Variants in MYH14 observed in about 807,000 individuals in gnomAD.
The protein encoded by MYH14 is myosin-14.
Under a neutral mutation model 255.5 loss-of-function variants are expected in MYH14, and 123 were observed. The ratio of observed to expected loss-of-function variants is 0.48; its 90% CI spans 0.42 to 0.56. The LOEUF is 0.56. Among genes scored for constraint, MYH14 ranks in the 20% least tolerant of loss-of-function variants. The probability of loss-of-function intolerance (pLI) is 0.00; values close to 1 mark genes in which losing one functional copy is unlikely to be tolerated. For missense variants in MYH14, 2,423 were observed against 2,802.3 expected, an observed-to-expected ratio of 0.86 and a Z score of 3.06; for synonymous variants, 1,095 against 1,161.2, an observed-to-expected ratio of 0.94 and a Z score of 1.16.
intron 29 of MYH14, 59 bp from the exon 30 acceptor site, chr19:50,278,024 T>A: frequency 7.3e-7 from 1 of 1,365,206 alleles, no homozygotes; most frequent in Admixed American, 2.5e-5. Flanking sequence ...GATGGGAGTG[T>A]GCCTGGCCTG....
At chr19:50,248,492 G>A (rs2123300182) in intron 12 of MYH14, among the ~76,000 whole-genome samples, 1 of 152,320 alleles carries the variant, frequency 6.6e-6, no homozygotes, top group Non-Finnish European at 1.5e-5. Context: ...CCCCAGGCTG[G>A]GCAGTGAGGT....
intron 4 of MYH14, 21 bp from the exon 5 acceptor site, chr19:50,223,226 T>C (rs374935055): frequency 6.2e-7 from 1 of 1,612,808 alleles, no homozygotes; most frequent in Non-Finnish European, 8.5e-7. Flanking sequence ...ACCCCTTTGC[T>C]TCCCCTTGTC....
chr19:50,307,240 A>G, intron 41 of MYH14, 83 bp downstream of exon 41: 1 of 809,402 alleles, frequency 1.2e-6, no homozygotes. Context: ...AGAGGCAATG[A>G]GCTCCCATCA....
intron 34 of MYH14, among the ~76,000 whole-genome samples, chr19:50,287,638 C>T (rs567634587): frequency 6.6e-6 from 1 of 152,258 alleles, no homozygotes; most frequent in South Asian, 2.1e-4. Context: ...GTCCTGAACT[C>T]CTAGGCTCAA....
chr19:50,248,941 C>T (rs1007087905), intron 12 of MYH14, 46 bp from the exon 13 acceptor site: 33 of 1,607,238 alleles, frequency 2.1e-5, no homozygotes, highest in Non-Finnish European at 2.7e-5. Flanking sequence ...GTCTTTCAGT[C>T]TGCTGATGTG....
At chr19:50,224,244 T>C (rs1308205397) in intron 6 of MYH14, 67 bp downstream of exon 6, 3 of 1,609,978 alleles carry the variant, frequency 1.9e-6, no homozygotes, top group Non-Finnish European at 2.6e-6. Context: ...CAATGCATGA[T>C]CTTCTTGGTA....
At chr19:50,217,918 T>A in intron 3 of MYH14, 147 bp downstream of exon 3, 1 of 906,224 alleles carries the variant, frequency 1.1e-6, no homozygotes, top group Non-Finnish European at 1.6e-6. Context: ...GGAGCACAAG[T>A]AGAGGCCTGA....
rs773992967 is a variant in MYH14, at chr19:50,271,285, GCATGGA to G, written c.3034-120_3034-115del. ...TTGATCCTTCCCGGCCTCACCCAGG[GCATGGA>G]CATCTCTGAACCACAAGCCGCGGGG... On this transcript the variant is annotated intron_variant, in intron 24 of 42. Transcript: ENST00000642316. 212 of 950,488 alleles carry G rather than the reference GCATGGA, an allele frequency of 2.2e-4. 1 individual carries two copies. Among genetic ancestry groups the G allele is most frequent in the Admixed American group, 6.5e-4 (25 of 38,732 alleles). The allele number at this position is 950,488 out of a possible 1,614,324, so 58.9% of individuals were successfully genotyped here.
chr19:50,263,222 G>A lies in MYH14; in HGVS notation c.2586-90G>A, dbSNP rs190315706. 4.6e-6 allele frequency: 4 copies of A among 863,256 alleles called. No individual in the cohort carries two copies. In the East Asian group the frequency reaches 8.6e-5, roughly 19 times the overall value. 53.5% of individuals were successfully genotyped at this position (863,256 alleles called of 1,614,324 possible). A position where few individuals can be genotyped will look rare whatever the true frequency, so the allele number is the denominator to read the frequency against. ...TCAGAAAAACAAACAAACAAACAAA[G>A]AAAATAAATAAGAAAGGAGCTTGGC... On this transcript the variant is annotated intron_variant, in intron 21 of 42. Transcript: ENST00000642316.
chr19:50,230,625 T>G lies in MYH14; in HGVS notation c.973+2T>G. ...GGGGCGCTGGAGAGCAGCTCAAAGG[T>G]CAGTGCCGCCCCGTCCTACCCTGCT... On this transcript the variant is annotated splice_donor_variant, in intron 9 of 42. Transcript: ENST00000642316. LOFTEE classifies it high-confidence loss of function. This position sits in a 1 kb window ranked among gnomAD's most constrained non-coding sequence, Gnocchi z 4.7. 1 of 1,557,948 alleles carries G rather than the reference T, an allele frequency of 6.4e-7. No individual in the cohort carries two copies. The highest frequency in any genetic ancestry group is 8.7e-7 in the Non-Finnish European group (1 of 1,151,218).
intron 20 of MYH14, 87 bp downstream of exon 20, chr19:50,260,802 T>TGTGC: frequency 2.0e-6 from 2 of 982,468 alleles, no homozygotes; most frequent in Non-Finnish European, 3.1e-6. Context: ...CATGCATATG[T>TGTGC]GTGCATGCGT....
chr19:50,203,741 G>C (rs965361396), intron 1 of MYH14, 70 bp downstream of exon 1: 1 of 152,384 alleles, frequency 6.6e-6, no homozygotes, highest in African/African-American at 2.4e-5. Flanking sequence ...GCTGGAGCCT[G>C]GGGGCTGCGA....
intron 3 of MYH14, among the ~76,000 whole-genome samples, chr19:50,220,749 C>T (rs2032778390): frequency 6.6e-6 from 1 of 152,048 alleles, no homozygotes; most frequent in Non-Finnish European, 1.5e-5. Flanking sequence ...GACCAGGTTT[C>T]ACCATGTTGG....
In MYH14 at chr19:50,272,587, G is replaced by A. The variant is rs371750730; in HGVS notation, c.3323G>A (p.Arg1108His). The change falls in exon 27 of 43, where the codon CGC becomes CAC. Residue 1108 changes from arginine to histidine, a missense_variant. Around this residue, in one of 3 missense-constraint regions of MYH14, gnomAD observed 1,513 missense variants for 1,674.8 expected, o/e 0.90. Transcript: ENST00000642316. ...CGCCTACGGAAGGAGGAGAAGGGTC[G>A]CCAGGAGCTGGAGAAGCTGAAGCGG... ...EDRLRKEEKG[R>H]QELEKLKRRL... The A allele has an allele frequency of 6.3e-6, 10 of 1,579,070 alleles. No homozygotes were observed. Among genetic ancestry groups the A allele is most frequent in the South Asian group, 3.5e-5 (3 of 85,920 alleles).
At chr19:50,288,246 T>G (rs1165418795) in intron 34 of MYH14, among the ~76,000 whole-genome samples, 2 of 152,212 alleles carry the variant, frequency 1.3e-5, no homozygotes, top group Admixed American at 6.5e-5. Context: ...ACATCCTTAT[T>G]TCTTTATTTT....
rs371300947 is a variant in MYH14, at chr19:50,249,798, C to T, written c.1631C>T (p.Pro544Leu). ...CTCGACTTTGGCCTCGACCTGCAGC[C>T]CTGCATCGACCTCATCGAGCGGCCG... is the stretch of plus-strand genomic sequence containing the variant. ...TFLDFGLDLQ[P>L]CIDLIERPAN... The change falls in exon 14 of 43, where the codon CCC becomes CTC. Residue 544 changes from proline to leucine, a missense_variant. Pro to Leu is a moderately conservative substitution (Grantham distance 98, BLOSUM62 -3). Around this residue, in one of 3 missense-constraint regions of MYH14, gnomAD observed 672 missense variants for 881.8 expected, o/e 0.76. Coordinates refer to ENST00000642316, the MANE Select transcript of MYH14 (RefSeq NM_001145809.2). 3.1e-6 allele frequency: 5 copies of T among 1,614,104 alleles called. No homozygotes were observed. The highest frequency in any genetic ancestry group is 4.2e-6 in the Non-Finnish European group (5 of 1,180,050).
chr19:50,222,032 G>A (rs1423725022), intron 3 of MYH14, among the ~76,000 whole-genome samples: 1 of 152,100 alleles, frequency 6.6e-6, no homozygotes, highest in Non-Finnish European at 1.5e-5. Flanking sequence ...GTGGGAGGCT[G>A]TCCTGGTCAT....
chr19:50,288,288 T>C (rs2035958528), intron 34 of MYH14, among the ~76,000 whole-genome samples: 1 of 152,192 alleles, frequency 6.6e-6, no homozygotes, highest in Non-Finnish European at 1.5e-5. Flanking sequence ...GTCCAATGGG[T>C]GAGGGCTTTA....
intron 23 of MYH14, among the ~76,000 whole-genome samples, chr19:50,267,811 G>A (rs1004552614): frequency 2.0e-5 from 3 of 152,116 alleles, no homozygotes; most frequent in African/African-American, 7.2e-5. Context: ...GCTAGAGTCT[G>A]GGAGGCTGGG....
Sources: gnomAD v4.1 joint callset for allele counts (sites outside exome capture counted in the v4.1 genomes callset) on GRCh38, gnomAD v4.1.1 for gene constraint, gnomAD v4.1.1 regional missense constraint, Gnocchi (gnomAD v3.1) non-coding constraint, MANE v1.5 for transcripts, NCBI Gene and HGNC (gene_info 2026-07-23, HGNC 2026-07-21) for gene names.